EFCAB14: variants seen among roughly 807,000 people sequenced by gnomAD.
EFCAB14 encodes the protein EF-hand calcium binding domain 14.
A neutral mutation model predicts 56.5 loss-of-function variants in EFCAB14; 43 were observed. That is an observed-to-expected ratio of 0.76 (90% confidence interval 0.60 to 0.98). The LOEUF (loss-of-function observed/expected upper bound fraction) is 0.98, where lower values mean the gene tolerates loss of function less well. Ranked by LOEUF, EFCAB14 falls within the 50% of genes least tolerant of loss-of-function variation. The probability of loss-of-function intolerance (pLI) is 0.00; values close to 1 mark genes in which losing one functional copy is unlikely to be tolerated. For synonymous variants in EFCAB14, 235 were observed against 212.9 expected (o/e 1.10, Z -0.90); for missense variants, 538 against 580.3 (o/e 0.93, Z 0.75).
Position 46,719,067 on chromosome 1 carries a change from G to GGCC in EFCAB14, c.-983_-981dup, listed in dbSNP as rs992284104. 2 of 158,262 alleles carry GGCC rather than the reference G, an allele frequency of 1.3e-5. No homozygotes were observed. The highest frequency in any genetic ancestry group is 2.8e-5 in the Non-Finnish European group (2 of 72,548). 9.8% of individuals were successfully genotyped at this position (158,262 alleles called of 1,614,324 possible). ...TGGTGGCGGCGGCTGCGGCGGCGGCGGCCGCGAGCTCCAGCCCCGGGCCAT... is the reference window on the plus strand; with the variant it reads ...TGGTGGCGGCGGCTGCGGCGGCGGCGGCCGCCGCGAGCTCCAGCCCCGGGCCAT... On this transcript the variant is annotated 5_prime_UTR_variant, in exon 1 of 11. Coordinates refer to ENST00000371933, the MANE Select transcript of EFCAB14 (RefSeq NM_014774.3). The surrounding 1 kb of genome is among the most constrained non-coding windows in gnomAD (Gnocchi z 4.0).
At chr1:46,678,944 G>C (rs1676742242) in intron 10 of EFCAB14, among the ~76,000 whole-genome samples, 4 of 152,294 alleles carry the variant, frequency 2.6e-5, no homozygotes, top group South Asian at 4.1e-4. Context: ...GCAACACAGT[G>C]AGACACTGCC....
At chr1:46,701,356 T>C (rs1677155119) in intron 3 of EFCAB14, among the ~76,000 whole-genome samples, 1 of 151,084 alleles carries the variant, frequency 6.6e-6, no homozygotes, top group African/African-American at 2.4e-5. Flanking sequence ...CAAGATCAGT[T>C]TGAAGGGCAA....
intron 3 of EFCAB14, among the ~76,000 whole-genome samples, chr1:46,698,719 G>T (rs370044525): frequency 2.0e-5 from 3 of 152,206 alleles, no homozygotes; most frequent in African/African-American, 4.8e-5. Context: ...ATGTGTGTGT[G>T]TATGTGAGAG....
rs1676956213 is a variant in EFCAB14 at position 46,689,535 on chromosome 1, G to A, written c.795+52C>T. 4.5e-6 allele frequency: 7 copies of A among 1,561,826 alleles called. No homozygotes were observed. The South Asian group carries it at 5.6e-5, about 12-fold the overall frequency. On this transcript the variant is annotated intron_variant, in intron 6 of 10. Transcript: ENST00000371933. ...AACACTAAGCCCAAACTATTTGGCT[G>A]CCTCTGCAGTGCACTGTGGTCACAG...
At chr1:46,704,966 A>T (rs915450562) in intron 3 of EFCAB14, among the ~76,000 whole-genome samples, 1 of 151,858 alleles carries the variant, frequency 6.6e-6, no homozygotes, top group Non-Finnish European at 1.5e-5. Context: ...TAAGTGATAT[A>T]ATAACACTTC....
rs1677422425 is a variant in EFCAB14, at chr1:46,717,914, A to G, written c.174T>C (p.Ser58=). 4 of 1,613,488 alleles carry G rather than the reference A, an allele frequency of 2.5e-6. No homozygotes were observed. Among genetic ancestry groups the G allele is most frequent in the Non-Finnish European group, 3.4e-6 (4 of 1,179,838 alleles). Residue 58 remains serine (S), a synonymous_variant, in exon 1 of 11, where the codon TCT becomes TCC. Coordinates refer to ENST00000371933, the MANE Select transcript of EFCAB14 (RefSeq NM_014774.3). ...EEEFGVVGNR[S]RFAKGDYLRC... is the part of the protein sequence containing the mutation. ...TCACCACTACTCACTTGGCAAAGCG[A>G]GAGCGATTTCCAACCACACCGAATT...
chr1:46,693,942 G>A (rs1274494539), intron 4 of EFCAB14, among the ~76,000 whole-genome samples: 3 of 152,146 alleles, frequency 2.0e-5, no homozygotes, highest in Non-Finnish European at 4.4e-5. Context: ...ACAACCATCT[G>A]ATCTTTGACA....
intron 7 of EFCAB14, chr1:46,687,073 T>C (rs945033305): frequency 6.7e-6 from 4 of 593,432 alleles, no homozygotes; most frequent in Non-Finnish European, 8.9e-6. Flanking sequence ...TGCTTCTAGC[T>C]GTTTCAGTCA....
In EFCAB14 at chr1:46,681,575, T is replaced by C. The variant is rs546519939; in HGVS notation, c.1312+1725A>G. Reference sequence around the variant, plus strand: ...ACAATAGGTGCAGCAATGCAGCTAATAAAATGTCAAAAGCTCTCTGAAAGG... The same window carrying C: ...ACAATAGGTGCAGCAATGCAGCTAACAAAATGTCAAAAGCTCTCTGAAAGG... On this transcript the variant is annotated intron_variant, in intron 10 of 10. Transcript: ENST00000371933. Among the ~76,000 whole-genome samples the C allele has an allele frequency of 1.7e-3, 264 of 152,120 alleles. 3 individuals carry two copies. The highest frequency in any genetic ancestry group is 6.9e-3 in the Middle Eastern group (2 of 290).
chr1:46,718,185 G>C lies in EFCAB14; in HGVS notation c.-98C>G. 1 of 1,332,034 alleles carries C rather than the reference G, an allele frequency of 7.5e-7. No homozygotes were observed. Among genetic ancestry groups the C allele is most frequent in the Non-Finnish European group, 1.0e-6 (1 of 965,930 alleles). 82.5% of individuals were successfully genotyped at this position (1,332,034 alleles called of 1,614,324 possible). On this transcript the variant is annotated 5_prime_UTR_variant, in exon 1 of 11. Transcript: ENST00000371933. ...TGCCTTGGAGCTGCCTTCCAGGGTTGGGAATCCTGGGCCAGAGCCCCCTGG... is the reference window on the plus strand; with the variant it reads ...TGCCTTGGAGCTGCCTTCCAGGGTTCGGAATCCTGGGCCAGAGCCCCCTGG...
chr1:46,686,911 T>C (rs1365320629), intron 7 of EFCAB14, 41 bp from the exon 8 acceptor site: 18 of 1,591,402 alleles, frequency 1.1e-5, no homozygotes, highest in Admixed American at 1.7e-5. Context: ...AAGGGAAGAT[T>C]AAAGGCAAAC....
At chr1:46,713,982 A>G (rs1299875424) in intron 2 of EFCAB14, among the ~76,000 whole-genome samples, 1 of 152,232 alleles carries the variant, frequency 6.6e-6, no homozygotes, top group African/African-American at 2.4e-5. Flanking sequence ...TACTCTAAAA[A>G]TTGGTAATCC....
At chr1:46,715,110 G>T (rs1475827202) in intron 2 of EFCAB14, among the ~76,000 whole-genome samples, 2 of 152,188 alleles carry the variant, frequency 1.3e-5, no homozygotes, top group Admixed American at 6.5e-5. Flanking sequence ...CACAGCTAAG[G>T]AGAGAAATCT....
chr1:46,684,533 T>C lies in EFCAB14; in HGVS notation c.1144A>G (p.Asn382Asp), dbSNP rs1557440170. 3 of 1,614,106 alleles carry C rather than the reference T, an allele frequency of 1.9e-6. No individual in the cohort carries two copies. Among genetic ancestry groups the C allele is most frequent in the African/African-American group, 1.3e-5 (1 of 75,040 alleles). ...GGAGGCCTGTTGCTCTCAGGTTTGTTTGTAAGAGCACTGATCAGCTGGAGT... is the reference window on the plus strand; with the variant it reads ...GGAGGCCTGTTGCTCTCAGGTTTGTCTGTAAGAGCACTGATCAGCTGGAGT... The part of the protein sequence containing the change: ...EKLQLISALT[N>D]KPESNRPPET... The change falls in exon 9 of 11, where the codon AAC (asparagine) becomes GAC (aspartate). Residue 382 changes from asparagine (N) to aspartate (D), a missense_variant. Transcript: ENST00000371933.
Position 46,718,078 on chromosome 1 carries a change from G to T in EFCAB14, c.10C>A (p.Arg4Ser), listed in dbSNP as rs1314810781. ...CCAATCAATGCATTGAGCTCTTTGC[G>T]CTTTTTCATCTTTTTGTGTGGGGTG... MKK[R>S]KELNALIGLA... The change falls in exon 1 of 11, where the codon CGC (arginine) becomes AGC (serine). Residue 4 changes from arginine to serine, a missense_variant. Coordinates refer to ENST00000371933, the MANE Select transcript of EFCAB14 (RefSeq NM_014774.3). The T allele has an allele frequency of 6.2e-7, 1 of 1,613,678 alleles. No individual in the cohort carries two copies. The highest frequency in any genetic ancestry group is 1.3e-5 in the African/African-American group (1 of 74,870).
At chr1:46,707,265 G>A (rs776132347) in intron 3 of EFCAB14, among the ~76,000 whole-genome samples, 3 of 152,156 alleles carry the variant, frequency 2.0e-5, no homozygotes, top group East Asian at 1.9e-4. Flanking sequence ...GTAGGGATGG[G>A]GCTATAGTTA....
intron 3 of EFCAB14, among the ~76,000 whole-genome samples, chr1:46,699,652 T>TATA (rs918748876): frequency 6.6e-6 from 1 of 152,132 alleles, no homozygotes; most frequent in African/African-American, 2.4e-5. Context: ...AGTAACTGGG[T>TATA]ATAATAATAA....
chr1:46,697,028 A>G (rs977839717), intron 3 of EFCAB14, among the ~76,000 whole-genome samples: 3 of 152,248 alleles, frequency 2.0e-5, no homozygotes, highest in African/African-American at 7.2e-5. Flanking sequence ...TCAAAATTTC[A>G]TTTTGGTAAA....
At chr1:46,682,653 C>T (rs1338228438) in intron 10 of EFCAB14, among the ~76,000 whole-genome samples, 1 of 152,152 alleles carries the variant, frequency 6.6e-6, no homozygotes. Flanking sequence ...TTGCTTAGCA[C>T]TAGGTTTAAT....
Sources: allele counts gnomAD v4.1 joint callset (sites outside exome capture counted in the v4.1 genomes callset), GRCh38; gene constraint gnomAD v4.1.1; non-coding constraint Gnocchi (gnomAD v3.1); transcripts MANE v1.5; gene names NCBI Gene and HGNC (gene_info 2026-07-23, HGNC 2026-07-21).